Variants in AGTPBP1 observed in about 807,000 individuals in gnomAD.
AGTPBP1 encodes ATP/GTP binding carboxypeptidase 1, also known as cytosolic carboxypeptidase 1.
AGTPBP1 carries 70 observed loss-of-function variants against 143.9 expected under a neutral mutation model. The ratio of observed to expected loss-of-function variants is 0.49; its 90% CI spans 0.40 to 0.59. The LOEUF (loss-of-function observed/expected upper bound fraction) is 0.59. Among genes scored for constraint, AGTPBP1 ranks in the 20% least tolerant of loss-of-function variants. The pLI is 0.00. For synonymous variants in AGTPBP1, 463 were observed against 500.2 expected (o/e 0.93, Z 0.99); for missense variants, 1,229 against 1,464.5 (o/e 0.84, Z 2.62).
chr9:85,579,143 T>C (rs1828080340), intron 23 of AGTPBP1, 47 bp from the exon 24 acceptor site: 1 of 1,511,948 alleles, frequency 6.6e-7, no homozygotes. Context: ...AAGTTTTTAA[T>C]TTTAAATGTT....
chr9:85,786,260 T>A, the AGTPBP1 span: 1 of 1,598,988 alleles, frequency 6.3e-7, no homozygotes, highest in Middle Eastern at 1.7e-4. Context: ...CCTCAAAAGC[T>A]CTGGGAAGAT....
rs547818520 is a variant in AGTPBP1, at chr9:85,581,046, C to A, written c.3166-1950G>T. 5.9e-5 allele frequency among the ~76,000 whole-genome samples: 9 copies of A among 152,234 alleles called. No homozygotes were observed. The South Asian group carries it at 1.9e-3, about 32-fold the overall frequency. ...CTAGGAAAAGATAACTTTCACTTAC[C>A]CCTTTATATAAATCTGGAGTGTTTC... On this transcript the variant is annotated intron_variant, in intron 23 of 25. Transcript: ENST00000357081.
chr9:85,600,080 G>T (rs935412129), intron 17 of AGTPBP1, among the ~76,000 whole-genome samples: 1 of 152,130 alleles, frequency 6.6e-6, no homozygotes, highest in African/African-American at 2.4e-5. Context: ...CTTGAACAAG[G>T]CCTGGCATAC....
chr9:85,768,158 G>A, the AGTPBP1 span, among the ~76,000 whole-genome samples: 47 of 152,174 alleles, frequency 3.1e-4, no homozygotes, highest in Non-Finnish European at 1.2e-4. Flanking sequence ...TCACTGGAGC[G>A]GGCTGTCCTT....
At chr9:85,781,083 G>GCA in the AGTPBP1 span, 2 of 1,310,696 alleles carry the variant, frequency 1.5e-6, no homozygotes, top group East Asian at 6.0e-5. Context: ...TCACGCCACT[G>GCA]CACTCTAGCC....
intron 8 of AGTPBP1, among the ~76,000 whole-genome samples, chr9:85,668,322 C>T (rs567628799): frequency 1.3e-5 from 2 of 151,950 alleles, no homozygotes; most frequent in South Asian, 4.2e-4. Context: ...AATCAAACAA[C>T]AGACCAGATT....
At chr9:85,799,019 C>T in the AGTPBP1 span, among the ~76,000 whole-genome samples, 1 of 152,064 alleles carries the variant, frequency 6.6e-6, no homozygotes, top group Non-Finnish European at 1.5e-5. Context: ...GTATGATGTT[C>T]CCCGCCCTGT....
At chr9:85,740,787 T>C (rs1422550398) in intron 1 of AGTPBP1, among the ~76,000 whole-genome samples, 1 of 152,212 alleles carries the variant, frequency 6.6e-6, no homozygotes, top group Admixed American at 6.5e-5. Flanking sequence ...ACAACTACAA[T>C]GTTAAACACC....
At chr9:85,682,154 C>T (rs1005676955) in intron 3 of AGTPBP1, among the ~76,000 whole-genome samples, 1 of 140,572 alleles carries the variant, frequency 7.1e-6, no homozygotes, top group African/African-American at 2.7e-5. Flanking sequence ...TGATCCTTTT[C>T]CTCTCATTAG....
chr9:85,548,202 T>C (rs1825834413), intron 25 of AGTPBP1, among the ~76,000 whole-genome samples: 2 of 152,196 alleles, frequency 1.3e-5, no homozygotes, highest in Non-Finnish European at 2.9e-5. Flanking sequence ...GAACAATATC[T>C]GTTAAAATAA....
At chr9:85,550,947 G>A (rs1247922862) in intron 25 of AGTPBP1, among the ~76,000 whole-genome samples, 2 of 152,152 alleles carry the variant, frequency 1.3e-5, no homozygotes, top group East Asian at 3.9e-4. Context: ...AGTGTCAGAG[G>A]TGGGGCCTGG....
chr9:85,553,470 T>C (rs943264007), intron 25 of AGTPBP1, among the ~76,000 whole-genome samples: 2 of 152,228 alleles, frequency 1.3e-5, no homozygotes, highest in Admixed American at 1.3e-4. Flanking sequence ...GTATGTTTAA[T>C]GTAGGCTAGG....
the AGTPBP1 span, among the ~76,000 whole-genome samples, chr9:85,757,697 C>T: frequency 6.6e-6 from 1 of 151,696 alleles, no homozygotes; most frequent in Non-Finnish European, 1.5e-5. Flanking sequence ...AGATGTTTTC[C>T]TTTTTTAAAA....
chr9:85,718,814 A>G (rs972200221), intron 1 of AGTPBP1, among the ~76,000 whole-genome samples: 5 of 152,220 alleles, frequency 3.3e-5, no homozygotes, highest in African/African-American at 4.8e-5. Flanking sequence ...CTTACACTTA[A>G]GTCTTTAAAC....
the AGTPBP1 span, chr9:85,786,674 A>C: frequency 7.6e-7 from 1 of 1,312,338 alleles, no homozygotes. Context: ...CTCTTTCCTC[A>C]GCATAAAGGA....
chr9:85,690,704 G>A (rs1835809657), intron 3 of AGTPBP1, among the ~76,000 whole-genome samples: 1 of 145,654 alleles, frequency 6.9e-6, no homozygotes, highest in South Asian at 2.1e-4. Flanking sequence ...AGTATTTTCA[G>A]TGGTGGGAAG....
intron 13 of AGTPBP1, among the ~76,000 whole-genome samples, chr9:85,636,045 GTTTCCACATAA>G (rs1832020688): frequency 6.6e-6 from 1 of 151,924 alleles, no homozygotes; most frequent in Admixed American, 6.6e-5. Context: ...AGCTCCTGGA[GTTTCCACATAA>G]TTTCCACATA....
rs1389118212 is a variant in AGTPBP1 at position 85,596,385 on chromosome 9, C to T, written c.2400G>A (p.Met800Ile). ...ACTTATAGTAACAAATGTCAGTCCC[C>T]ATACGAATCCACCATGGTCTGGCAT... ...ALNARPWWIR[M>I]GTDICYYKNH... The change falls in exon 18 of 26, where the codon ATG becomes ATA. Residue 800 changes from methionine to isoleucine, a missense_variant. Transcript: ENST00000357081. The T allele has an allele frequency of 3.1e-6, 5 of 1,609,996 alleles. No homozygotes were observed. The highest frequency in any genetic ancestry group is 4.2e-6 in the Non-Finnish European group (5 of 1,177,942).
chr9:85,754,392 A>G, the AGTPBP1 span, among the ~76,000 whole-genome samples: 2 of 152,122 alleles, frequency 1.3e-5, no homozygotes, highest in Non-Finnish European at 2.9e-5. Flanking sequence ...GGGTTTCACC[A>G]TGTTAGCCAG....
Sources: allele counts gnomAD v4.1 joint callset (sites outside exome capture counted in the v4.1 genomes callset), GRCh38; gene constraint gnomAD v4.1.1; transcripts MANE v1.5; gene names NCBI Gene and HGNC (gene_info 2026-07-23, HGNC 2026-07-21).